The following C8orf34 variants were observed in gnomAD, a reference collection of about 807,000 sequenced individuals.
C8orf34 encodes uncharacterized protein C8orf34.
A neutral mutation model predicts 68.3 loss-of-function variants in C8orf34; 65 were observed. The observed-to-expected ratio is 0.95, with a 90% CI of 0.78 to 1.17. The LOEUF (loss-of-function observed/expected upper bound fraction) is 1.17, where lower values mean the gene tolerates loss of function less well. Ranked by LOEUF, C8orf34 falls within the 50% of genes most tolerant of loss-of-function variation. C8orf34 has a pLI of 0.00. For missense variants in C8orf34, 664 were observed against 655.4 expected (o/e 1.01, Z -0.14); for synonymous variants, 244 against 241.2 (o/e 1.01, Z -0.11).
At chr8:68,532,869 G>C in intron 6 of C8orf34, 114 bp from the exon 7 acceptor site, 1 of 689,452 alleles carries the variant, frequency 1.5e-6, no homozygotes, top group Non-Finnish European at 2.4e-6. Context: ...ATTATCCTTG[G>C]GGAAAACTTT....
At chr8:68,400,614 G>A (rs538419108) in intron 1 of C8orf34, among the ~76,000 whole-genome samples, 1 of 152,216 alleles carries the variant, frequency 6.6e-6, no homozygotes, top group South Asian at 2.1e-4. Flanking sequence ...AGGCTAGGGT[G>A]CAATGGTGCG....
intron 6 of C8orf34, among the ~76,000 whole-genome samples, chr8:68,532,744 G>T (rs1051560413): frequency 3.3e-5 from 5 of 152,082 alleles, no homozygotes; most frequent in African/African-American, 1.2e-4. Context: ...GGCAACAATA[G>T]GTAGGAGTAA....
chr8:68,736,815 C>A (rs555326160), intron 10 of C8orf34, among the ~76,000 whole-genome samples: 1 of 152,046 alleles, frequency 6.6e-6, no homozygotes, highest in Non-Finnish European at 1.5e-5. Flanking sequence ...ATACTTCAAA[C>A]GTCACATTAT....
At chr8:68,457,718 T>C (rs566573637) in intron 3 of C8orf34, among the ~76,000 whole-genome samples, 8 of 152,294 alleles carry the variant, frequency 5.3e-5, no homozygotes, top group African/African-American at 1.9e-4. Flanking sequence ...TGCAAGGTGC[T>C]GTGGGTACCT....
chr8:68,437,949 G>A (rs916486054), intron 1 of C8orf34: 19 of 152,136 alleles, frequency 1.2e-4, no homozygotes, highest in African/African-American at 4.6e-4. Flanking sequence ...ACTTAAAAAT[G>A]TAAATAAATA....
intron 1 of C8orf34, among the ~76,000 whole-genome samples, chr8:68,422,486 G>C (rs1810022756): frequency 6.6e-6 from 1 of 152,158 alleles, no homozygotes; most frequent in African/African-American, 2.4e-5. Context: ...TGATCCAAGA[G>C]GTAGACTCCC....
At chr8:68,428,874 G>A (rs1810337848) in intron 1 of C8orf34, among the ~76,000 whole-genome samples, 2 of 152,092 alleles carry the variant, frequency 1.3e-5, no homozygotes, top group Admixed American at 1.3e-4. Flanking sequence ...ATGAGTGTGG[G>A]ATGATTGGAA....
intron 8 of C8orf34, among the ~76,000 whole-genome samples, chr8:68,701,847 G>C (rs1345122807): frequency 2.6e-5 from 4 of 151,770 alleles, no homozygotes; most frequent in Non-Finnish European, 5.9e-5. Flanking sequence ...CCGGTCATTG[G>C]CCTCCATATA....
At chr8:68,612,311 T>C (rs1422092739) in intron 7 of C8orf34, among the ~76,000 whole-genome samples, 1 of 152,108 alleles carries the variant, frequency 6.6e-6, no homozygotes, top group African/African-American at 2.4e-5. Flanking sequence ...ACATTTTGTT[T>C]ATGGGCAAGC....
chr8:68,708,927 G>T, intron 8 of C8orf34, 67 bp from the exon 9 acceptor site: 6 of 1,117,768 alleles, frequency 5.4e-6, no homozygotes, highest in Non-Finnish European at 8.0e-6. Context: ...TGTCCCCCAT[G>T]GTGCATAGTT....
chr8:68,651,990 T>C (rs755954333), intron 8 of C8orf34, among the ~76,000 whole-genome samples: 2 of 152,154 alleles, frequency 1.3e-5, no homozygotes, highest in South Asian at 2.1e-4. Context: ...GGGTGCTAAG[T>C]GATATCTATG....
intron 3 of C8orf34, among the ~76,000 whole-genome samples, chr8:68,466,130 G>C (rs1365700099): frequency 6.6e-6 from 1 of 151,228 alleles, no homozygotes; most frequent in African/African-American, 2.4e-5. Context: ...GGCACAAAAA[G>C]ACTAATATTG....
intron 7 of C8orf34, among the ~76,000 whole-genome samples, chr8:68,576,989 T>C (rs1216491115): frequency 6.6e-6 from 1 of 152,042 alleles, no homozygotes; most frequent in Non-Finnish European, 1.5e-5. Flanking sequence ...ATAATATTTG[T>C]AAATATTGGA....
chr8:68,746,819 G>A (rs1461905778), intron 10 of C8orf34, among the ~76,000 whole-genome samples: 1 of 150,898 alleles, frequency 6.6e-6, no homozygotes, highest in African/African-American at 2.4e-5. Context: ...GGAGGAACTG[G>A]TACCATTCCT....
chr8:68,631,154 C>G (rs1486126781), intron 7 of C8orf34, among the ~76,000 whole-genome samples: 2 of 151,776 alleles, frequency 1.3e-5, no homozygotes, highest in Non-Finnish European at 2.9e-5. Flanking sequence ...TGCAGCTACT[C>G]AGGAGGCTGA....
chr8:68,657,175 T>G (rs1390553179), intron 8 of C8orf34, among the ~76,000 whole-genome samples: 4 of 152,310 alleles, frequency 2.6e-5, no homozygotes, highest in Middle Eastern at 3.4e-3. Context: ...TCCACAAACG[T>G]ATCCAAATAC....
intron 1 of C8orf34, among the ~76,000 whole-genome samples, chr8:68,386,563 C>T (rs1808269520): frequency 6.6e-6 from 1 of 152,142 alleles, no homozygotes; most frequent in South Asian, 2.1e-4. Context: ...CATGGGTTGT[C>T]TTTTCTTCTA....
intron 7 of C8orf34, among the ~76,000 whole-genome samples, chr8:68,553,671 T>C (rs1816158610): frequency 6.6e-6 from 1 of 152,282 alleles, no homozygotes; most frequent in African/African-American, 2.4e-5. Context: ...TCCTTTTTTA[T>C]ATCCGTATGG....
intron 7 of C8orf34, among the ~76,000 whole-genome samples, chr8:68,607,339 T>C (rs1817885016): frequency 6.6e-6 from 1 of 152,086 alleles, no homozygotes; most frequent in African/African-American, 2.4e-5. Context: ...AGGATAAACA[T>C]CCAAGATCAA....
Sources: allele counts gnomAD v4.1 joint callset (sites outside exome capture counted in the v4.1 genomes callset), GRCh38; gene constraint gnomAD v4.1.1; transcripts MANE v1.5; gene names NCBI Gene and HGNC (gene_info 2026-07-23, HGNC 2026-07-21).